The following MBNL2 variants were observed in gnomAD, a reference collection of about 807,000 sequenced individuals.
MBNL2 encodes the protein muscleblind-like protein 2.
In MBNL2, 17 loss-of-function variants were observed where a neutral mutation model predicts 41.9. The observed-to-expected ratio is 0.41, with a 90% CI of 0.28 to 0.61. The LOEUF is 0.61. MBNL2 is among the 20% of genes least tolerant of loss of function. The pLI is 0.35. For missense variants in MBNL2, 336 were observed against 505.6 expected (o/e 0.66, Z 3.22); for synonymous variants, 195 against 182.9 (o/e 1.07, Z -0.53).
chr13:97,336,568 C>T (rs2060903280), intron 3 of MBNL2, among the ~76,000 whole-genome samples: 1 of 152,056 alleles, frequency 6.6e-6, no homozygotes, highest in Non-Finnish European at 1.5e-5. Context: ...ACCACAGAGG[C>T]AGATTGGATT....
At position 97,360,961 on chromosome 13, in the gene MBNL2, T is replaced by C. The variant is rs549345134; in HGVS notation, c.1012+3326T>C. ...GATTATCACATGACTTGGTGAAAGA[T>C]TGATCAGTGTTTAGTGGCATCTGTA... On this transcript the variant is annotated intron_variant, in intron 7 of 8. Coordinates refer to ENST00000679496, the MANE Select transcript of MBNL2 (RefSeq NM_001382683.1). Among the ~76,000 whole-genome samples, 95 of 152,356 alleles carry C rather than the reference T, an allele frequency of 6.2e-4. 1 individual carries two copies. Among genetic ancestry groups the C allele is most frequent in the Non-Finnish European group, 1.2e-3 (79 of 68,032 alleles).
chr13:97,171,415 C>T, the MBNL2 span, among the ~76,000 whole-genome samples: 235 of 152,220 alleles, frequency 1.5e-3, 2 homozygotes, highest in African/African-American at 5.5e-3. Context: ...ATTGGTTTCT[C>T]AGCTTATTAA....
intron 8 of MBNL2, among the ~76,000 whole-genome samples, chr13:97,386,709 A>T (rs989510395): frequency 1.3e-5 from 2 of 152,252 alleles, no homozygotes; most frequent in Non-Finnish European, 2.9e-5. Context: ...TGTCTTCAAC[A>T]AGTAAATATG....
chr13:97,386,438 G>C (rs1323742476), intron 8 of MBNL2, among the ~76,000 whole-genome samples: 1 of 152,232 alleles, frequency 6.6e-6, no homozygotes, highest in Non-Finnish European at 1.5e-5. Context: ...TGTTTCCGCA[G>C]GTAGCACTTG....
intron 2 of MBNL2, among the ~76,000 whole-genome samples, chr13:97,319,842 C>A (rs2059356385): frequency 6.6e-6 from 1 of 152,116 alleles, no homozygotes; most frequent in African/African-American, 2.4e-5. Flanking sequence ...TAAAATAAAT[C>A]TCTTCTATTA....
chr13:97,217,788 G>A (rs550411345), upstream of MBNL2, among the ~76,000 whole-genome samples: 2 of 152,250 alleles, frequency 1.3e-5, no homozygotes, highest in African/African-American at 4.8e-5. Context: ...TTTGGCTGAG[G>A]TGTGGTAAAT....
chr13:97,161,355 A>C, the MBNL2 span, among the ~76,000 whole-genome samples: 13 of 152,288 alleles, frequency 8.5e-5, no homozygotes, highest in Middle Eastern at 0.017. Context: ...TTTTGCAGCT[A>C]CATTGAACCT....
chr13:97,169,038 C>G, the MBNL2 span, among the ~76,000 whole-genome samples: 1 of 152,144 alleles, frequency 6.6e-6, no homozygotes, highest in African/African-American at 2.4e-5. Flanking sequence ...CAAAGGTCGT[C>G]TACTCCCCCC....
intron 1 of MBNL2, among the ~76,000 whole-genome samples, chr13:97,241,902 G>C (rs748401865): frequency 6.6e-6 from 1 of 152,148 alleles, no homozygotes; most frequent in Non-Finnish European, 1.5e-5. Context: ...CTGTGCAGGA[G>C]AGTGGCATAC....
chr13:97,158,695 G>A, the MBNL2 span, among the ~76,000 whole-genome samples: 1 of 152,052 alleles, frequency 6.6e-6, no homozygotes, highest in African/African-American at 2.4e-5. Context: ...TTTCCATGTA[G>A]TTGAGCGGTT....
At chr13:97,249,465 C>A (rs2046110684) in intron 1 of MBNL2, among the ~76,000 whole-genome samples, 1 of 152,162 alleles carries the variant, frequency 6.6e-6, no homozygotes, top group Non-Finnish European at 1.5e-5. Context: ...CATTTAATAT[C>A]TTCTGGTAAA....
At chr13:97,324,403 G>A (rs1207694503) in intron 2 of MBNL2, among the ~76,000 whole-genome samples, 1 of 152,170 alleles carries the variant, frequency 6.6e-6, no homozygotes, top group Non-Finnish European at 1.5e-5. Context: ...AGACAGAAAA[G>A]GCCTGCCCTC....
chr13:97,320,609 T>C (rs2059420522), intron 2 of MBNL2, among the ~76,000 whole-genome samples: 2 of 152,078 alleles, frequency 1.3e-5, no homozygotes, highest in Non-Finnish European at 2.9e-5. Context: ...CAGCCATTCC[T>C]TGGCTTAAAG....
intron 2 of MBNL2, among the ~76,000 whole-genome samples, chr13:97,320,200 C>G (rs2059385537): frequency 6.6e-6 from 1 of 151,668 alleles, no homozygotes; most frequent in Non-Finnish European, 1.5e-5. Context: ...GTTGTGGAGG[C>G]CAGAGGTCCA....
intron 2 of MBNL2, among the ~76,000 whole-genome samples, chr13:97,295,323 GT>G (rs59173532): frequency 3.1e-3 from 466 of 148,374 alleles, no homozygotes; most frequent in Non-Finnish European, 5.2e-3. Flanking sequence ...GTCTTTTAAA[GT>G]TTTTTTTTTT....
intron 2 of MBNL2, among the ~76,000 whole-genome samples, chr13:97,310,782 CTT>C (rs11345201): frequency 3.4e-3 from 463 of 135,988 alleles, no homozygotes; most frequent in East Asian, 4.6e-3. Context: ...AATTCAGCAT[CTT>C]TTTTTTTTTT....
At chr13:97,353,779 A>G (rs2062721715) in intron 5 of MBNL2, among the ~76,000 whole-genome samples, 2 of 152,214 alleles carry the variant, frequency 1.3e-5, no homozygotes, top group African/African-American at 4.8e-5. Flanking sequence ...TCAAAATGGA[A>G]TGACACAAGG....
the MBNL2 span, among the ~76,000 whole-genome samples, chr13:97,158,707 T>G: frequency 6.6e-6 from 1 of 152,090 alleles, no homozygotes; most frequent in Non-Finnish European, 1.5e-5. Context: ...TGAGCGGTTT[T>G]GAGTGAGATT....
chr13:97,329,755 C>CACCATACT (rs2060262070), intron 2 of MBNL2, among the ~76,000 whole-genome samples: 1 of 724 alleles, frequency 1.4e-3, no homozygotes, highest in African/African-American at 8.5e-3. Flanking sequence ...ATACATACTA[C>CACCATACT]ACACACAGCA....
Sources: gnomAD v4.1 joint callset for allele counts (sites outside exome capture counted in the v4.1 genomes callset) on GRCh38, gnomAD v4.1.1 for gene constraint, MANE v1.5 for transcripts, NCBI Gene and HGNC (gene_info 2026-07-23, HGNC 2026-07-21) for gene names.